CELF2: variants seen among roughly 807,000 people sequenced by gnomAD.
The protein encoded by CELF2 is CUG triplet repeat RNA-binding protein 2.
A neutral mutation model predicts 62.6 loss-of-function variants in CELF2; 8 were observed. The ratio of observed to expected loss-of-function variants is 0.13; its 90% CI spans 0.07 to 0.23. CELF2 has a LOEUF of 0.23. Ranked by LOEUF, CELF2 falls within the 10% of genes least tolerant of loss-of-function variation. The probability of loss-of-function intolerance (pLI) is 1.00; values close to 1 mark genes in which losing one functional copy is unlikely to be tolerated. For synonymous variants in CELF2, 258 were observed against 250.0 expected, an observed-to-expected ratio of 1.03 and a Z score of -0.30; for missense variants, 333 against 671.0, an observed-to-expected ratio of 0.50 and a Z score of 5.56.
intron 1 of CELF2, among the ~76,000 whole-genome samples, chr10:10,908,490 G>A (rs1363078962): frequency 2.0e-5 from 3 of 151,358 alleles, no homozygotes; most frequent in African/African-American, 7.3e-5. Context: ...AAAGTGCTAG[G>A]ATTACAGGCA....
chr10:10,677,332 A>G, the CELF2 span, among the ~76,000 whole-genome samples: 1 of 152,236 alleles, frequency 6.6e-6, no homozygotes, highest in South Asian at 2.1e-4. Context: ...AGGTCCTGGC[A>G]TAAACCCATG....
the CELF2 span, among the ~76,000 whole-genome samples, chr10:10,557,740 G>C: frequency 6.8e-6 from 1 of 146,394 alleles, no homozygotes; most frequent in African/African-American, 2.5e-5. Context: ...TCCTTGAAGA[G>C]GTCCTTCACA....
chr10:10,733,728 G>A, the CELF2 span, among the ~76,000 whole-genome samples: 1 of 152,124 alleles, frequency 6.6e-6, no homozygotes, highest in Admixed American at 6.5e-5. Context: ...CAGATCTTGT[G>A]AGACTTATTC....
chr10:11,017,523 G>A (rs369768261), upstream of CELF2, among the ~76,000 whole-genome samples: 7 of 152,296 alleles, frequency 4.6e-5, no homozygotes, highest in East Asian at 1.4e-3. This position sits in a 1 kb window ranked among gnomAD's most constrained non-coding sequence, Gnocchi z 5.5. Context: ...ACACCACACC[G>A]AGGAGCATCG....
intron 8 of CELF2, among the ~76,000 whole-genome samples, chr10:11,279,141 A>G (rs748992198): frequency 4.6e-5 from 7 of 152,172 alleles, no homozygotes; most frequent in Non-Finnish European, 1.0e-4. Flanking sequence ...AAGAATTGTT[A>G]CTAAACCAGT....
At chr10:10,697,336 C>G in the CELF2 span, among the ~76,000 whole-genome samples, 223 of 152,270 alleles carry the variant, frequency 1.5e-3, 1 homozygote, top group African/African-American at 5.0e-3. Flanking sequence ...TCTTGAATGA[C>G]AAGCTGTCCA....
At chr10:11,090,250 T>C (rs1454273040) in intron 1 of CELF2, among the ~76,000 whole-genome samples, 1 of 151,488 alleles carries the variant, frequency 6.6e-6, no homozygotes, top group Admixed American at 6.6e-5. Flanking sequence ...AACAAGGCGG[T>C]AGAAGAAGTA....
chr10:11,077,729 C>T (rs1292554236), intron 1 of CELF2, among the ~76,000 whole-genome samples: 2 of 152,172 alleles, frequency 1.3e-5, no homozygotes, highest in Non-Finnish European at 2.9e-5. Context: ...AGGGGTGAGC[C>T]TCTTGACAGA....
the CELF2 span, among the ~76,000 whole-genome samples, chr10:10,675,777 T>C: frequency 6.6e-6 from 1 of 152,314 alleles, no homozygotes; most frequent in Middle Eastern, 3.4e-3. Flanking sequence ...CCATTTCTGT[T>C]ACTGTGTTTT....
intron 1 of CELF2, among the ~76,000 whole-genome samples, chr10:11,151,203 C>G (rs562983853): frequency 6.6e-6 from 1 of 152,294 alleles, no homozygotes; most frequent in South Asian, 2.1e-4. Context: ...TCCCGTAGTC[C>G]AAATCAAGTT....
Position 11,223,759 on chromosome 10 carries a change from G to A in CELF2, c.354+6252G>A, listed in dbSNP as rs532776886. On this transcript the variant is annotated intron_variant, in intron 3 of 12. Coordinates refer to ENST00000633077, the MANE Select transcript of CELF2 (RefSeq NM_001326342.2). The surrounding 1 kb of genome is among the most constrained non-coding windows in gnomAD (Gnocchi z 5.1). ...GGGCTCAGCCAGGTGCAACAGGATG[G>A]CTCCCAGCTGAGCGGTATAGATCCA... Among the ~76,000 whole-genome samples, 100 of 152,318 alleles carry A rather than the reference G, an allele frequency of 6.6e-4. No individual in the cohort carries two copies. Among genetic ancestry groups the A allele is most frequent in the African/African-American group, 2.4e-3 (98 of 41,562 alleles).
At chr10:10,517,894 A>G in the CELF2 span, among the ~76,000 whole-genome samples, 1 of 152,300 alleles carries the variant, frequency 6.6e-6, no homozygotes, top group African/African-American at 2.4e-5. Flanking sequence ...TCTTTATAAA[A>G]TGGCACTTCC....
At chr10:10,651,206 G>C in the CELF2 span, among the ~76,000 whole-genome samples, 3 of 121,020 alleles carry the variant, frequency 2.5e-5, no homozygotes, top group South Asian at 4.2e-4. Flanking sequence ...CCCACATCTG[G>C]CTCGGAGGGT....
chr10:11,059,102 C>G (rs1202935571), intron 1 of CELF2, among the ~76,000 whole-genome samples: 1 of 152,200 alleles, frequency 6.6e-6, no homozygotes, highest in Non-Finnish European at 1.5e-5. Context: ...ATGTATGAGT[C>G]AAGGAACAGA....
the CELF2 span, among the ~76,000 whole-genome samples, chr10:10,465,836 C>T: frequency 6.6e-6 from 1 of 152,078 alleles, no homozygotes; most frequent in Admixed American, 6.6e-5. Context: ...TACCAGCTAA[C>T]AAGCTCTAAG....
At chr10:10,660,079 C>A in the CELF2 span, among the ~76,000 whole-genome samples, 3 of 152,166 alleles carry the variant, frequency 2.0e-5, no homozygotes, top group Admixed American at 6.5e-5. Context: ...CAGGCCTCCT[C>A]TAGAAGCAGG....
rs183819695 is a variant in CELF2, at chr10:11,306,909, T to C, written c.977-7230T>C. Among the ~76,000 whole-genome samples, 4 of 152,294 alleles carry C rather than the reference T, an allele frequency of 2.6e-5. No individual in the cohort carries two copies. The highest frequency in any genetic ancestry group is 2.6e-4 in the Admixed American group (4 of 15,298). ...TTGCATATTGATTCATTGTCATCAA[T>C]AACAAAAGGGGCCCAGGGAGTTTCT... is the stretch of plus-strand genomic sequence containing the variant. On this transcript the variant is annotated intron_variant, in intron 9 of 12. Coordinates refer to ENST00000633077, the MANE Select transcript of CELF2 (RefSeq NM_001326342.2). The surrounding 1 kb of genome is among the most constrained non-coding windows in gnomAD (Gnocchi z 4.4).
Position 11,010,906 on chromosome 10 carries a change from C to A in CELF2, c.53+5466C>A, listed in dbSNP as rs553850332. 5.9e-5 allele frequency: 9 copies of A among 152,300 alleles called. No individual in the cohort carries two copies. The highest frequency in any genetic ancestry group is 1.3e-4 in the Admixed American group (2 of 15,304). 9.4% of individuals were successfully genotyped at this position (152,300 alleles called of 1,614,324 possible). On this transcript the variant is annotated intron_variant, in intron 1 of 12. Transcript: ENST00000416382. The surrounding 1 kb of genome is among the most constrained non-coding windows in gnomAD (Gnocchi z 4.1). ...CTAAATTACAGCTCTTTTAAACTTACCTTGCAGTGCCAATTTTGGGAAGGG... is the reference window on the plus strand; with the variant it reads ...CTAAATTACAGCTCTTTTAAACTTAACTTGCAGTGCCAATTTTGGGAAGGG...
At chr10:11,230,511 G>A (rs1465722571) in intron 3 of CELF2, among the ~76,000 whole-genome samples, 2 of 152,226 alleles carry the variant, frequency 1.3e-5, no homozygotes, top group Non-Finnish European at 2.9e-5. Flanking sequence ...AGTCAAGAGA[G>A]ATCCTCTGGA....
Sources: allele counts gnomAD v4.1 joint callset (sites outside exome capture counted in the v4.1 genomes callset), GRCh38; gene constraint gnomAD v4.1.1; non-coding constraint Gnocchi (gnomAD v3.1); transcripts MANE v1.5; gene names NCBI Gene and HGNC (gene_info 2026-07-23, HGNC 2026-07-21).